The following GLRA3 variants were observed in gnomAD, a reference collection of about 807,000 sequenced individuals.
GLRA3 encodes the protein glycine receptor alpha 3.
In GLRA3, 44 loss-of-function variants were observed where a neutral mutation model predicts 60.4. That is an observed-to-expected ratio of 0.73 (90% CI 0.57 to 0.94). The LOEUF is 0.94. Among genes scored for constraint, GLRA3 ranks in the 40% least tolerant of loss-of-function variants. GLRA3 has a pLI of 0.00. For synonymous variants in GLRA3, 223 were observed against 192.9 expected, an observed-to-expected ratio of 1.16 and a Z score of -1.29; for missense variants, 508 against 564.6, an observed-to-expected ratio of 0.90 and a Z score of 1.02.
intron 5 of GLRA3, among the ~76,000 whole-genome samples, chr4:174,690,050 A>G (rs941196318): frequency 6.6e-6 from 1 of 152,208 alleles, no homozygotes; most frequent in Non-Finnish European, 1.5e-5. Context: ...TTGCATCAAC[A>G]TAGATGTAAC....
At chr4:174,711,205 C>G (rs926131133) in intron 5 of GLRA3, among the ~76,000 whole-genome samples, 5 of 151,602 alleles carry the variant, frequency 3.3e-5, no homozygotes, top group Non-Finnish European at 7.4e-5. Context: ...TAAGAGGTTA[C>G]TGAAACTTCC....
intron 9 of GLRA3, among the ~76,000 whole-genome samples, chr4:174,646,481 C>T (rs1212475421): frequency 1.3e-5 from 2 of 152,174 alleles, no homozygotes; most frequent in Admixed American, 1.3e-4. Context: ...GAATTGGAGT[C>T]GGCCTTTTTT....
chr4:174,822,610 A>G (rs1368598468), intron 1 of GLRA3, among the ~76,000 whole-genome samples: 1 of 152,178 alleles, frequency 6.6e-6, no homozygotes, highest in African/African-American at 2.4e-5. Flanking sequence ...AGGATACTGG[A>G]TGGACCAGTT....
At chr4:174,709,743 T>C (rs1735642908) in intron 5 of GLRA3, among the ~76,000 whole-genome samples, 1 of 152,012 alleles carries the variant, frequency 6.6e-6, no homozygotes, top group African/African-American at 2.4e-5. Flanking sequence ...CATCCGAACT[T>C]GGAACATATA....
intron 5 of GLRA3, among the ~76,000 whole-genome samples, chr4:174,683,738 TA>T (rs2110979111): frequency 1.3e-5 from 2 of 152,230 alleles, no homozygotes; most frequent in East Asian, 3.8e-4. Flanking sequence ...ATGTTAATTT[TA>T]CTTCTGCTGT....
chr4:174,825,080 A>G (rs1382214406), intron 1 of GLRA3, among the ~76,000 whole-genome samples: 5 of 152,106 alleles, frequency 3.3e-5, no homozygotes, highest in African/African-American at 4.8e-5. Flanking sequence ...TGCTTGAGGC[A>G]TTGACTGGAC....
chr4:174,672,305 C>T (rs76394381), intron 7 of GLRA3, among the ~76,000 whole-genome samples: 3,673 of 152,196 alleles, frequency 0.024, 65 homozygotes, highest in Middle Eastern at 0.071. Flanking sequence ...CAAGCCAGAG[C>T]GTGGTCTAAG....
At chr4:174,750,985 A>C (rs1304379233) in intron 3 of GLRA3, among the ~76,000 whole-genome samples, 1 of 152,070 alleles carries the variant, frequency 6.6e-6, no homozygotes, top group Non-Finnish European at 1.5e-5. Context: ...TTACATAGGG[A>C]TCTATCTAGG....
chr4:174,746,286 T>C (rs1260426453), intron 3 of GLRA3, among the ~76,000 whole-genome samples: 1 of 152,186 alleles, frequency 6.6e-6, no homozygotes, highest in Admixed American at 6.5e-5. Context: ...ATGTGTCATA[T>C]ATACACCATG....
chr4:174,706,043 C>A (rs1000003644), intron 5 of GLRA3, among the ~76,000 whole-genome samples: 5 of 152,062 alleles, frequency 3.3e-5, no homozygotes, highest in East Asian at 1.9e-4. Flanking sequence ...TCCTGTGTAA[C>A]ATGGTGAAAC....
intron 5 of GLRA3, among the ~76,000 whole-genome samples, chr4:174,691,953 C>T (rs1369080953): frequency 1.3e-5 from 2 of 151,876 alleles, no homozygotes; most frequent in East Asian, 1.9e-4. Context: ...TGAGGAGTGT[C>T]TCTGCCCGGC....
intron 3 of GLRA3, among the ~76,000 whole-genome samples, chr4:174,735,849 C>T (rs7665903): frequency 0.29 from 44,756 of 151,932 alleles, 6,848 homozygotes; most frequent in African/African-American, 0.36. Flanking sequence ...CCACGCCTGG[C>T]CTCATTTTGT....
rs1283495575 is a variant in GLRA3, at chr4:174,788,908, G to T, written c.107C>A (p.Ser36Tyr). 1 of 1,605,498 alleles carries T rather than the reference G, an allele frequency of 6.2e-7. No homozygotes were observed. Among genetic ancestry groups the T allele is most frequent in the Admixed American group, 1.7e-5 (1 of 59,204 alleles). The change falls in exon 2 of 10, where the codon TCT (serine) becomes TAT (tyrosine). Residue 36 changes from serine to tyrosine, a missense_variant. By Grantham distance (144) the Ser-to-Tyr change is moderately radical (BLOSUM62 -2). This residue lies in a region of GLRA3 where 329 missense variants were observed against 349.3 expected (regional missense o/e 0.94). Transcript: ENST00000274093. The part of the protein sequence containing the change: ...VATKETDSAR[S>Y]RSAPMSPSDF... ...AGAAGGTGACATTGGAGCACTTCGA[G>T]ATCTTGCACTGTCTGTTTCCTTTGT...
rs150348597 is a variant in GLRA3 at position 174,653,517 on chromosome 4, C to A, written c.1116+3226G>T. Among the ~76,000 whole-genome samples, 54 of 151,842 alleles carry A rather than the reference C, an allele frequency of 3.6e-4. 1 individual carries two copies. In the East Asian group the frequency reaches 8.9e-3, roughly 25 times the overall value. Reference sequence around the variant, plus strand: ...GACATCTGAATTAGCTATTAATTAGCCAAGTATACACTTGGCATATTAAAC... The same window carrying A: ...GACATCTGAATTAGCTATTAATTAGACAAGTATACACTTGGCATATTAAAC... On this transcript the variant is annotated intron_variant, in intron 9 of 9. Coordinates refer to ENST00000274093, the MANE Select transcript of GLRA3 (RefSeq NM_006529.4).
At chr4:174,802,060 A>G (rs1739834961) in intron 1 of GLRA3, among the ~76,000 whole-genome samples, 2 of 152,036 alleles carry the variant, frequency 1.3e-5, no homozygotes, top group Admixed American at 1.3e-4. Context: ...TTAACTGAAT[A>G]TAATGAGGGA....
chr4:174,808,632 G>A (rs552563829), intron 1 of GLRA3, among the ~76,000 whole-genome samples: 44 of 152,200 alleles, frequency 2.9e-4, no homozygotes, highest in African/African-American at 6.3e-4. Flanking sequence ...AGAAGAAGGC[G>A]TTGCTATTGC....
intron 2 of GLRA3, among the ~76,000 whole-genome samples, chr4:174,767,439 C>T (rs1738191333): frequency 6.6e-6 from 1 of 151,862 alleles, no homozygotes; most frequent in South Asian, 2.1e-4. Flanking sequence ...CTTTAGGTAA[C>T]ATAAAGTGGC....
intron 2 of GLRA3, among the ~76,000 whole-genome samples, chr4:174,780,371 A>G (rs1738815495): frequency 6.6e-6 from 1 of 151,962 alleles, no homozygotes; most frequent in Non-Finnish European, 1.5e-5. Flanking sequence ...GCCAAAATGT[A>G]AAGACCATCG....
At chr4:174,689,305 T>C (rs531389816) in intron 5 of GLRA3, among the ~76,000 whole-genome samples, 2 of 152,204 alleles carry the variant, frequency 1.3e-5, no homozygotes, top group Admixed American at 6.5e-5. Flanking sequence ...TTTGCAAGTA[T>C]TGCAGTAAGA....
Sources: gnomAD v4.1 joint callset for allele counts (sites outside exome capture counted in the v4.1 genomes callset) on GRCh38, gnomAD v4.1.1 for gene constraint, gnomAD v4.1.1 regional missense constraint, MANE v1.5 for transcripts, NCBI Gene and HGNC (gene_info 2026-07-23, HGNC 2026-07-21) for gene names.